VWA7: variants seen among roughly 807,000 people sequenced by gnomAD.
VWA7 encodes von Willebrand factor A domain containing 7.
In VWA7, 66 loss-of-function variants were observed where a neutral mutation model predicts 83.1. The ratio of observed to expected loss-of-function variants is 0.79; its 90% CI spans 0.65 to 0.98. The LOEUF (loss-of-function observed/expected upper bound fraction) is 0.98, where lower values mean the gene tolerates loss of function less well. VWA7 is among the 50% of genes least tolerant of loss of function. VWA7 has a pLI of 0.00. For missense variants in VWA7, 1,080 were observed against 1,160.2 expected (o/e 0.93, Z 1.00); for synonymous variants, 424 against 488.5 (o/e 0.87, Z 1.74).
At position 31,769,478 on chromosome 6, in the gene VWA7, G is replaced by A. The variant is rs1811957031; in HGVS notation, c.1317+197C>T. Among the ~76,000 whole-genome samples the A allele has an allele frequency of 6.6e-6, 1 of 152,198 alleles. No individual in the cohort carries two copies. Among genetic ancestry groups the A allele is most frequent in the African/African-American group, 2.4e-5 (1 of 41,444 alleles). Reference sequence around the variant, plus strand: ...AGGCAGGGTCAAATAAAAATTCAGCGTTATTAAGGGTAGGGCCTCTTACGT... The same window carrying A: ...AGGCAGGGTCAAATAAAAATTCAGCATTATTAAGGGTAGGGCCTCTTACGT... On this transcript the variant is annotated intron_variant, in intron 9 of 16. Transcript: ENST00000375688. The surrounding 1 kb of genome is among the most constrained non-coding windows in gnomAD (Gnocchi z 4.5).
chr6:31,771,990 C>CAAAAAAAAA (rs34193146), intron 7 of VWA7, among the ~76,000 whole-genome samples: 2 of 41,934 alleles, frequency 4.8e-5, no homozygotes, highest in Non-Finnish European at 1.1e-4. Flanking sequence ...GACTCCGTCT[C>CAAAAAAAAA]AAAAAAAAAA....
chr6:31,766,203 G>A lies in VWA7; in HGVS notation c.2324+42C>T, dbSNP rs758520477. The stretch of plus-strand genomic sequence containing the variant: ...GCAGGGCTTGGGATAAGCATTGGCC[G>A]GGCAAGATGCCAGAGGGAGCTGGAG... On this transcript the variant is annotated intron_variant, in intron 15 of 16. Coordinates refer to ENST00000375688, the MANE Select transcript of VWA7 (RefSeq NM_025258.3). This position sits in a 1 kb window ranked among gnomAD's most constrained non-coding sequence, Gnocchi z 4.9. 2 of 1,606,458 alleles carry A rather than the reference G, an allele frequency of 1.2e-6. No homozygotes were observed. Among genetic ancestry groups the A allele is most frequent in the Admixed American group, 1.7e-5 (1 of 59,516 alleles).
rs748385496 is a variant in VWA7, at chr6:31,775,451, G to C, written c.514-22C>G. On this transcript the variant is annotated intron_variant, in intron 3 of 16. Coordinates refer to ENST00000375688, the MANE Select transcript of VWA7 (RefSeq NM_025258.3). This position sits in a 1 kb window ranked among gnomAD's most constrained non-coding sequence, Gnocchi z 5.9. Reference sequence around the variant, plus strand: ...AATCCTGGTCCGGAGGACAGGAGAAGGGGAGTGAGGCACTAGTCTGGCCTT... The same window carrying C: ...AATCCTGGTCCGGAGGACAGGAGAACGGGAGTGAGGCACTAGTCTGGCCTT... The C allele has an allele frequency of 5.0e-6, 8 of 1,603,290 alleles. No homozygotes were observed. The highest frequency in any genetic ancestry group is 1.7e-4 in the Middle Eastern group (1 of 6,020).
intron 7 of VWA7, among the ~76,000 whole-genome samples, chr6:31,772,536 G>C (rs1043024783): frequency 3.4e-5 from 5 of 146,762 alleles, no homozygotes; most frequent in Admixed American, 6.8e-5. Context: ...CTCACCACAG[G>C]CCTTTATCCC....
Position 31,767,638 on chromosome 6 carries a change from C to A in VWA7, c.1620G>T (p.Trp540Cys). The change falls in exon 11 of 17, where the codon TGG becomes TGT. Residue 540 changes from tryptophan (W) to cysteine (C), a missense_variant. Coordinates refer to ENST00000375688, the MANE Select transcript of VWA7 (RefSeq NM_025258.3). ...VRIHGDISSFWIKNPAGVSQG... is the reference protein window; with the variant it reads ...VRIHGDISSFCIKNPAGVSQG... ...CAGAGGTACCTGCAGGGTTCTTGAT[C>A]CAGAAGCTGCTGATGTCTCCGTGGA... is the stretch of plus-strand genomic sequence containing the variant. 1 of 1,612,614 alleles carries A rather than the reference C, an allele frequency of 6.2e-7. No individual in the cohort carries two copies. The highest frequency in any genetic ancestry group is 8.5e-7 in the Non-Finnish European group (1 of 1,178,724).
intron 10 of VWA7, among the ~76,000 whole-genome samples, chr6:31,768,339 G>A (rs1326970217): frequency 6.6e-6 from 1 of 152,100 alleles, no homozygotes; most frequent in Non-Finnish European, 1.5e-5. Flanking sequence ...GCCAGGCGTG[G>A]TGGCTCATGT....
At chr6:31,771,650 C>T (rs1002889255) in intron 7 of VWA7, 1 of 152,122 alleles carries the variant, frequency 6.6e-6, no homozygotes, top group African/African-American at 2.4e-5. Flanking sequence ...AAGCCTGGCC[C>T]CAACAACCCC....
Position 31,775,467 on chromosome 6 carries a change from G to A in VWA7, c.514-38C>T. 6.3e-7 allele frequency: 1 copy of A among 1,575,218 alleles called. No individual in the cohort carries two copies. Among genetic ancestry groups the A allele is most frequent in the Non-Finnish European group, 8.7e-7 (1 of 1,153,736 alleles). ...ACAGGAGAAGGGGAGTGAGGCACTA[G>A]TCTGGCCTTTCTCACCATCTCCAGC... On this transcript the variant is annotated intron_variant, in intron 3 of 16. Transcript: ENST00000375688. This position sits in a 1 kb window ranked among gnomAD's most constrained non-coding sequence, Gnocchi z 5.9.
chr6:31,774,378 C>G (rs1812489401), intron 5 of VWA7, 138 bp downstream of exon 5: 1 of 784,668 alleles, frequency 1.3e-6, no homozygotes, highest in Non-Finnish European at 2.0e-6. Flanking sequence ...AGGGGACTTT[C>G]CTCCACCCAC....
rs1303797799 is a variant in VWA7 at position 31,773,880 on chromosome 6, C to T, written c.722-443G>A. On this transcript the variant is annotated intron_variant, in intron 5 of 16. Transcript: ENST00000375688. The surrounding 1 kb of genome is among the most constrained non-coding windows in gnomAD (Gnocchi z 5.3). ...AATAAATAAATAAATGATGGCTGGG[C>T]ACGGTGGCTCACACCAGTAATCCCA... Among the ~76,000 whole-genome samples the T allele has an allele frequency of 6.6e-6, 1 of 151,486 alleles. No homozygotes were observed. Among genetic ancestry groups the T allele is most frequent in the Non-Finnish European group, 1.5e-5 (1 of 67,964 alleles).
chr6:31,766,645 C>G lies in VWA7; in HGVS notation c.2002G>C (p.Gly668Arg), dbSNP rs370221843. The change falls in exon 14 of 17, where the codon GGC becomes CGC. Residue 668 changes from glycine to arginine, a missense_variant. Transcript: ENST00000375688. This position sits in a 1 kb window ranked among gnomAD's most constrained non-coding sequence, Gnocchi z 4.9. ...LRGVPEGAELGQVPLEPVGPP... is the reference protein window; with the variant it reads ...LRGVPEGAELRQVPLEPVGPP... ...CCCACGGGCTCCAAGGGCACCTGGCCTAGTTCGGCACCCTCTGGGACCCCT... is the reference window on the plus strand; with the variant it reads ...CCCACGGGCTCCAAGGGCACCTGGCGTAGTTCGGCACCCTCTGGGACCCCT... 1 of 1,612,966 alleles carries G rather than the reference C, an allele frequency of 6.2e-7. No homozygotes were observed. Among genetic ancestry groups the G allele is most frequent in the Non-Finnish European group, 8.5e-7 (1 of 1,180,040 alleles).
rs968771061 is a variant in VWA7 at position 31,776,851 on chromosome 6, C to A, written c.-15-57G>T. On this transcript the variant is annotated intron_variant, in intron 1 of 16. Coordinates refer to ENST00000375688, the MANE Select transcript of VWA7 (RefSeq NM_025258.3). This position sits in a 1 kb window ranked among gnomAD's most constrained non-coding sequence, Gnocchi z 6.2. The stretch of plus-strand genomic sequence containing the variant: ...AAGCAGCCGCGATTCCAGGGCAGGC[C>A]GGCTCTGCGGGTCTCCATGGGAACC... The A allele has an allele frequency of 8.6e-6, 9 of 1,041,440 alleles. No homozygotes were observed. Among genetic ancestry groups the A allele is most frequent in the Non-Finnish European group, 9.2e-6 (7 of 764,368 alleles). The allele number at this position is 1,041,440 out of a possible 1,614,324, so 64.5% of individuals were successfully genotyped here. A position where few individuals can be genotyped will look rare whatever the true frequency, so the allele number is the denominator to read the frequency against.
chr6:31,766,757 C>CT lies in VWA7; in HGVS notation c.1889dup (p.Thr631AspfsTer66). 1 of 1,600,612 alleles carries CT rather than the reference C, an allele frequency of 6.2e-7. No homozygotes were observed. The highest frequency in any genetic ancestry group is 8.5e-7 in the Non-Finnish European group (1 of 1,170,258). ...CTGTCACTTCTACCAGCAGCTGGGTCTGAAGACCTGGGACAGGGGCGAGGA... is the reference window on the plus strand; with the variant it reads ...CTGTCACTTCTACCAGCAGCTGGGTCTTGAAGACCTGGGACAGGGGCGAGGA... On this transcript the variant is annotated frameshift_variant, in exon 14 of 17. Coordinates refer to ENST00000375688, the MANE Select transcript of VWA7 (RefSeq NM_025258.3). LOFTEE classifies it high-confidence loss of function. This position sits in a 1 kb window ranked among gnomAD's most constrained non-coding sequence, Gnocchi z 4.9.
At chr6:31,768,624 C>T (rs555622971) in intron 10 of VWA7, among the ~76,000 whole-genome samples, 10 of 152,172 alleles carry the variant, frequency 6.6e-5, no homozygotes, top group South Asian at 2.1e-4. Flanking sequence ...GGATCACTTG[C>T]GGTCAGGAGT....
In VWA7 at chr6:31,766,713, T is replaced by C. The variant is rs767274821; in HGVS notation, c.1934A>G (p.Asn645Ser). 9 of 1,612,004 alleles carry C rather than the reference T, an allele frequency of 5.6e-6. No individual in the cohort carries two copies. The highest frequency in any genetic ancestry group is 2.7e-5 in the African/African-American group (2 of 74,884). ...VEVTGLGSRA[N>S]PGDPQPHFSH... ...GAAATGCGGCTGAGGATCCCCAGGA[T>C]TGGCTCTGGAACCCAACCCTGTCAC... Residue 645 changes from asparagine to serine, a missense_variant, in exon 14 of 17, where the codon AAT (asparagine) becomes AGT (serine). By Grantham distance (46) the Asn-to-Ser change is conservative. Coordinates refer to ENST00000375688, the MANE Select transcript of VWA7 (RefSeq NM_025258.3). The surrounding 1 kb of genome is among the most constrained non-coding windows in gnomAD (Gnocchi z 4.9).
chr6:31,770,250 A>G lies in VWA7; in HGVS notation c.1088-137T>C, dbSNP rs1036340903. The stretch of plus-strand genomic sequence containing the variant: ...TGAAATAACAATACTCCATTATAAG[A>G]CTCATACTTGGCCGGGTGCGGTGGC... On this transcript the variant is annotated intron_variant, in intron 7 of 16. Coordinates refer to ENST00000375688, the MANE Select transcript of VWA7 (RefSeq NM_025258.3). 4 of 690,380 alleles carry G rather than the reference A, an allele frequency of 5.8e-6. No individual in the cohort carries two copies. The Admixed American group carries it at 8.6e-5, about 15-fold the overall frequency. 42.8% of individuals were successfully genotyped at this position (690,380 alleles called of 1,614,324 possible).
chr6:31,771,188 A>G (rs1812150216), intron 7 of VWA7: 1 of 152,162 alleles, frequency 6.6e-6, no homozygotes, highest in Non-Finnish European at 1.5e-5. Context: ...CTTTATTTAT[A>G]TCTTCATCAA....
chr6:31,769,604 T>G lies in VWA7; in HGVS notation c.1317+71A>C. 2.9e-6 allele frequency: 4 copies of G among 1,402,434 alleles called. No individual in the cohort carries two copies. Among genetic ancestry groups the G allele is most frequent in the African/African-American group, 1.4e-5 (1 of 70,854 alleles). The allele number at this position is 1,402,434 out of a possible 1,614,324, so 86.9% of individuals were successfully genotyped here. Reference sequence around the variant, plus strand: ...CCATAGTGTGGTGCAACCCTCGTTATGAGATTGTCATCACAGGGTCTCTCA... The same window carrying G: ...CCATAGTGTGGTGCAACCCTCGTTAGGAGATTGTCATCACAGGGTCTCTCA... On this transcript the variant is annotated intron_variant, in intron 9 of 16. Transcript: ENST00000375688. The surrounding 1 kb of genome is among the most constrained non-coding windows in gnomAD (Gnocchi z 4.5).
rs114713279 is a variant in VWA7, at chr6:31,775,526, G to A, written c.514-97C>T. ...GCCACTCCTTTGAGTTCCCCATCCC[G>A]AAAGTCCCCTCCCACCCCTACTGCT... is the stretch of plus-strand genomic sequence containing the variant. On this transcript the variant is annotated intron_variant, in intron 3 of 16. Transcript: ENST00000375688. The surrounding 1 kb of genome is among the most constrained non-coding windows in gnomAD (Gnocchi z 5.9). The A allele has an allele frequency of 2.2e-4, 244 of 1,096,566 alleles. 1 individual carries two copies. The African/African-American group carries it at 3.0e-3, about 14-fold the overall frequency. 67.9% of individuals were successfully genotyped at this position (1,096,566 alleles called of 1,614,324 possible). A position where few individuals can be genotyped will look rare whatever the true frequency, so the allele number is the denominator to read the frequency against.
Sources: gnomAD v4.1 joint callset for allele counts (sites outside exome capture counted in the v4.1 genomes callset) on GRCh38, gnomAD v4.1.1 for gene constraint, Gnocchi (gnomAD v3.1) non-coding constraint, MANE v1.5 for transcripts, NCBI Gene and HGNC (gene_info 2026-07-23, HGNC 2026-07-21) for gene names.